Variants in NBEAL1 observed in about 807,000 individuals in gnomAD.
The protein encoded by NBEAL1 is neurobeachin-like protein 1.
In NBEAL1, 273 loss-of-function variants were observed where a neutral mutation model predicts 351.3. The ratio of observed to expected loss-of-function variants is 0.78; its 90% CI spans 0.70 to 0.86. The LOEUF (loss-of-function observed/expected upper bound fraction) is 0.86, where lower values mean the gene tolerates loss of function less well. Ranked by LOEUF, NBEAL1 falls within the 40% of genes least tolerant of loss-of-function variation. The probability of loss-of-function intolerance (pLI) is 0.00; values close to 1 mark genes in which losing one functional copy is unlikely to be tolerated. For missense variants in NBEAL1, 2,961 were observed against 3,201.3 expected, an observed-to-expected ratio of 0.92 and a Z score of 1.81; for synonymous variants, 1,050 against 1,086.4, an observed-to-expected ratio of 0.97 and a Z score of 0.66.
At chr2:203,116,889 G>A (rs1430309106) in intron 18 of NBEAL1, among the ~76,000 whole-genome samples, 3 of 151,704 alleles carry the variant, frequency 2.0e-5, no homozygotes, top group Non-Finnish European at 4.4e-5. Context: ...ATCACCTGAG[G>A]TCAGGAGTTC....
chr2:203,103,058 T>G (rs2062360086), intron 12 of NBEAL1, among the ~76,000 whole-genome samples: 1 of 152,144 alleles, frequency 6.6e-6, no homozygotes, highest in African/African-American at 2.4e-5. Context: ...TTCTAGGAAT[T>G]TATCCATTTC....
intron 29 of NBEAL1, 29 bp downstream of exon 29, chr2:203,136,803 C>T: frequency 2.5e-6 from 4 of 1,595,356 alleles, no homozygotes; most frequent in Non-Finnish European, 3.4e-6. Context: ...ATTTTCCATC[C>T]TCCTTTTGGT....
intron 49 of NBEAL1, among the ~76,000 whole-genome samples, chr2:203,201,184 C>T (rs1240106611): frequency 6.6e-6 from 1 of 152,216 alleles, no homozygotes; most frequent in Non-Finnish European, 1.5e-5. Context: ...AAGTTTATTT[C>T]TGATATTCCT....
chr2:203,075,566 A>C (rs2061757148), intron 7 of NBEAL1, among the ~76,000 whole-genome samples: 1 of 152,106 alleles, frequency 6.6e-6, no homozygotes, highest in African/African-American at 2.4e-5. Context: ...AGATACTGAG[A>C]CCCAAAATGA....
chr2:203,171,751 C>A (rs1258145851), intron 39 of NBEAL1, among the ~76,000 whole-genome samples, 177 bp from the exon 40 acceptor site: 2 of 147,558 alleles, frequency 1.4e-5, no homozygotes, highest in African/African-American at 5.0e-5. Flanking sequence ...TTTTCTGTTC[C>A]TTTTTTAGAG....
intron 6 of NBEAL1, among the ~76,000 whole-genome samples, chr2:203,060,293 GA>G (rs1489192322): frequency 6.6e-6 from 1 of 151,840 alleles, no homozygotes; most frequent in African/African-American, 2.4e-5. Flanking sequence ...AAGTCAAAAA[GA>G]AAATTTTTTT....
At chr2:203,115,332 C>T (rs2106253328) in intron 17 of NBEAL1, among the ~76,000 whole-genome samples, 1 of 151,740 alleles carries the variant, frequency 6.6e-6, no homozygotes, top group South Asian at 2.1e-4. Flanking sequence ...CCATGTTGGC[C>T]AGGCTGGTCT....
intron 10 of NBEAL1, among the ~76,000 whole-genome samples, chr2:203,094,334 C>T (rs1048507278): frequency 6.6e-6 from 1 of 152,100 alleles, no homozygotes; most frequent in African/African-American, 2.4e-5. Flanking sequence ...TTATGAAAAC[C>T]TAACTCCCCA....
intron 24 of NBEAL1, among the ~76,000 whole-genome samples, chr2:203,129,124 A>G (rs2063014414): frequency 6.6e-6 from 1 of 152,184 alleles, no homozygotes; most frequent in African/African-American, 2.4e-5. Context: ...ATTCTCGTGC[A>G]CGTGGTAAAA....
intron 51 of NBEAL1, among the ~76,000 whole-genome samples, chr2:203,208,127 T>C (rs981459314): frequency 6.6e-6 from 1 of 151,292 alleles, no homozygotes; most frequent in African/African-American, 2.4e-5. Flanking sequence ...TACAAAAAAA[T>C]GTTAAAAATT....
At chr2:203,186,083 A>G (rs1159583189) in intron 44 of NBEAL1, among the ~76,000 whole-genome samples, 2 of 152,250 alleles carry the variant, frequency 1.3e-5, no homozygotes, top group African/African-American at 2.4e-5. Context: ...AGGGACAGAT[A>G]GTAAATCTTC....
Position 203,068,432 on chromosome 2 carries a change from TAA to T in NBEAL1, c.557_558del (p.Lys186ThrfsTer20). 2 of 1,548,120 alleles carry T rather than the reference TAA, an allele frequency of 1.3e-6. No homozygotes were observed. Among genetic ancestry groups the T allele is most frequent in the Non-Finnish European group, 1.7e-6 (2 of 1,144,794 alleles). On this transcript the variant is annotated frameshift_variant, in exon 7 of 56. Transcript: ENST00000683969. LOFTEE classifies it high-confidence loss of function. The part of the protein sequence containing the change: ...STVEKSRQKY[K>X]PASLTVEFVP... ...CTGTGGAAAAGAGCAGACAGAAATATAAACCAGCTTCTCTCACAGTGGAATTC... is the reference window on the plus strand; with the variant it reads ...CTGTGGAAAAGAGCAGACAGAAATATACCAGCTTCTCTCACAGTGGAATTC...
chr2:203,118,980 T>A (rs1485763038), intron 18 of NBEAL1, among the ~76,000 whole-genome samples: 2 of 146,428 alleles, frequency 1.4e-5, no homozygotes, highest in African/African-American at 2.5e-5. Context: ...TTTTTTTTTT[T>A]ACCATTGAAA....
chr2:203,152,136 T>G lies in NBEAL1; in HGVS notation c.5587+547T>G, dbSNP rs554045334. ...TCACACCTGGCTAATTTTTGTATTT[T>G]TAGTAGAGATGGGGTTTCACCATGT... On this transcript the variant is annotated intron_variant, in intron 35 of 55. Transcript: ENST00000683969. Among the ~76,000 whole-genome samples, 5 of 151,816 alleles carry G rather than the reference T, an allele frequency of 3.3e-5. No individual in the cohort carries two copies. In the East Asian group the frequency reaches 9.9e-4, roughly 30 times the overall value.
rs372583730 is a variant in NBEAL1, at chr2:203,051,950, TCA to T, written c.305+1976_305+1977del. On this transcript the variant is annotated intron_variant, in intron 4 of 55. Transcript: ENST00000683969. ...CCCACATACTCCTTTCCCATACCCC[TCA>T]GTTTCCTCTATTACTAATATCTTAC... 2.4e-4 allele frequency among the ~76,000 whole-genome samples: 36 copies of T among 152,302 alleles called. 1 individual carries two copies. In the South Asian group the frequency reaches 7.1e-3, roughly 30 times the overall value.
At chr2:203,105,298 T>A (rs1356512860) in intron 12 of NBEAL1, among the ~76,000 whole-genome samples, 1 of 147,316 alleles carries the variant, frequency 6.8e-6, no homozygotes, top group Non-Finnish European at 1.5e-5. Context: ...CCATCTCTAC[T>A]AAAAAAAAAA....
rs1207483539 is a variant in NBEAL1, at chr2:203,221,850, T to A, written c.*4496T>A. Among the ~76,000 whole-genome samples, 1 of 152,228 alleles carries A rather than the reference T, an allele frequency of 6.6e-6. No individual in the cohort carries two copies. Among genetic ancestry groups the A allele is most frequent in the Non-Finnish European group, 1.5e-5 (1 of 68,038 alleles). ...GGCAACAATATAGTGTTATCAGTCA[T>A]CATTTTAATATGATTTAAAATGTGG... On this transcript the variant is annotated 3_prime_UTR_variant, in exon 56 of 56. Transcript: ENST00000683969.
intron 44 of NBEAL1, among the ~76,000 whole-genome samples, chr2:203,185,541 G>A (rs2064870409): frequency 6.6e-6 from 1 of 152,104 alleles, no homozygotes. Context: ...TAAAAAGAAA[G>A]TATAGCCATT....
intron 46 of NBEAL1, chr2:203,191,252 G>A: frequency 1.4e-6 from 2 of 1,431,118 alleles, no homozygotes; most frequent in Non-Finnish European, 2.0e-6. Flanking sequence ...ATCAACAGTG[G>A]TGCTGTGGAA....
Sources: allele counts gnomAD v4.1 joint callset (sites outside exome capture counted in the v4.1 genomes callset), GRCh38; gene constraint gnomAD v4.1.1; transcripts MANE v1.5; gene names NCBI Gene and HGNC (gene_info 2026-07-23, HGNC 2026-07-21).